Variants in WDFY4 observed in about 807,000 individuals in gnomAD.
WDFY4 encodes the protein WD repeat- and FYVE domain-containing protein 4.
WDFY4 carries 169 observed loss-of-function variants against 351.9 expected under a neutral mutation model. The ratio of observed to expected loss-of-function variants is 0.48; its 90% CI spans 0.42 to 0.55. The LOEUF (loss-of-function observed/expected upper bound fraction) is 0.55. WDFY4 is among the 20% of genes least tolerant of loss of function. WDFY4 has a pLI of 0.00. For synonymous variants in WDFY4, 1,622 were observed against 1,574.6 expected (o/e 1.03, Z -0.71); for missense variants, 3,803 against 3,935.6 (o/e 0.97, Z 0.90).
chr10:48,824,116 ACTTCTCCCTCTAAGTTTCT>A, intron 35 of WDFY4: 1 of 985,418 alleles, frequency 1.0e-6, no homozygotes, highest in Non-Finnish European at 1.2e-6. Context: ...AGGGTCTTCT[ACTTCTCCCTCTAAGTTTCT>A]TTTGAATTAA....
At chr10:48,798,861 C>A (rs1486562510) in intron 24 of WDFY4, among the ~76,000 whole-genome samples, 2 of 152,124 alleles carry the variant, frequency 1.3e-5, no homozygotes, top group Non-Finnish European at 2.9e-5. Flanking sequence ...TTGAACCAGG[C>A]CAAGATGAAT....
intron 23 of WDFY4, among the ~76,000 whole-genome samples, chr10:48,791,208 A>G (rs565903066): frequency 6.6e-6 from 1 of 152,356 alleles, no homozygotes; most frequent in South Asian, 2.1e-4. Flanking sequence ...CCTTGTCTCT[A>G]GCATGGTGGC....
At chr10:48,860,916 G>A (rs2069317063) in intron 39 of WDFY4, among the ~76,000 whole-genome samples, 2 of 151,762 alleles carry the variant, frequency 1.3e-5, no homozygotes, top group African/African-American at 2.4e-5. Flanking sequence ...TTAATTTTTT[G>A]GATTTTTTTT....
In WDFY4 at chr10:48,851,473, G is replaced by A. The variant is rs111857672; in HGVS notation, c.6664-15792G>A. Among the ~76,000 whole-genome samples the A allele has an allele frequency of 7.6e-4, 116 of 152,328 alleles. 1 individual carries two copies. Among genetic ancestry groups the A allele is most frequent in the African/African-American group, 2.6e-3 (110 of 41,568 alleles). On this transcript the variant is annotated intron_variant, in intron 39 of 61. Transcript: ENST00000325239. ...CACATGTCCGTTCATGGCCAATACA[G>A]TGCAGGTGAGGACTCGGCGTCCCTC...
chr10:48,938,105 C>T (rs931211876), intron 47 of WDFY4, among the ~76,000 whole-genome samples: 1 of 152,224 alleles, frequency 6.6e-6, no homozygotes, highest in South Asian at 2.1e-4. Context: ...TTGTGGCTTG[C>T]GTATGCCTAG....
chr10:48,760,500 T>C (rs2065469814), intron 13 of WDFY4, 60 bp downstream of exon 13: 1 of 1,512,394 alleles, frequency 6.6e-7, no homozygotes, highest in African/African-American at 1.4e-5. Flanking sequence ...CTCAAATGCC[T>C]TCTGACCCAA....
At chr10:48,852,037 AGCAAT>A (rs2068973955) in intron 39 of WDFY4, among the ~76,000 whole-genome samples, 1 of 152,238 alleles carries the variant, frequency 6.6e-6, no homozygotes, top group South Asian at 2.1e-4. Flanking sequence ...AGTTCCAATA[AGCAAT>A]GCAGCACTCA....
chr10:48,937,503 T>A (rs1264841902), intron 47 of WDFY4, among the ~76,000 whole-genome samples: 1 of 152,130 alleles, frequency 6.6e-6, no homozygotes, highest in Non-Finnish European at 1.5e-5. Context: ...GAATTTCACC[T>A]CCCTGGCCTG....
At chr10:48,977,666 C>T (rs917718459) in intron 59 of WDFY4, among the ~76,000 whole-genome samples, 1 of 152,256 alleles carries the variant, frequency 6.6e-6, no homozygotes, top group African/African-American at 2.4e-5. Flanking sequence ...TATTACTCTC[C>T]TGGGCCCCCC....
chr10:48,973,858 C>A (rs1391872640), intron 57 of WDFY4, among the ~76,000 whole-genome samples: 1 of 152,200 alleles, frequency 6.6e-6, no homozygotes, highest in African/African-American at 2.4e-5. Flanking sequence ...ACCTGAGGAC[C>A]AAGACCAAGG....
At chr10:48,945,982 G>T (rs1487625436) in intron 49 of WDFY4, 58 bp from the exon 50 acceptor site, 4 of 1,168,058 alleles carry the variant, frequency 3.4e-6, no homozygotes, top group Admixed American at 6.5e-5. Context: ...CAAGAGCGTG[G>T]CTCCTAGGGC....
At position 48,873,672 on chromosome 10, in the gene WDFY4, A is replaced by T. The variant is rs2069874117; in HGVS notation, c.6923A>T (p.Glu2308Val). 2 of 1,551,816 alleles carry T rather than the reference A, an allele frequency of 1.3e-6. No individual in the cohort carries two copies. Among genetic ancestry groups the T allele is most frequent in the Non-Finnish European group, 1.7e-6 (2 of 1,147,022 alleles). The change falls in exon 41 of 62, where the codon GAG (glutamate) becomes GTG (valine). Residue 2308 changes from glutamate (E) to valine (V), a missense_variant. Around this residue, in one of 3 missense-constraint regions of WDFY4, gnomAD observed 3,054 missense variants for 3,148.6 expected, o/e 0.97. Coordinates refer to ENST00000325239, the MANE Select transcript of WDFY4 (RefSeq NM_001394531.1). ...RKRIKRLSPL[E>V]ALSSGRHKES... ...CGCATCAAACGCTTGTCTCCTTTGG[A>T]GGCCCTGAGCTCAGGAAGGCACAAG...
intron 57 of WDFY4, among the ~76,000 whole-genome samples, chr10:48,970,616 G>A (rs1473706323): frequency 6.6e-6 from 1 of 152,210 alleles, no homozygotes; most frequent in African/African-American, 2.4e-5. Context: ...GACAGGTCTG[G>A]TGAAATCAGT....
chr10:48,719,980 A>G, intron 2 of WDFY4, 31 bp from the exon 3 acceptor site: 3 of 1,544,952 alleles, frequency 1.9e-6, no homozygotes, highest in South Asian at 2.4e-5. Flanking sequence ...TGGCATTGCT[A>G]TCTCTGACCA....
At chr10:48,746,964 T>C (rs148900656) in intron 12 of WDFY4, among the ~76,000 whole-genome samples, 4 of 152,352 alleles carry the variant, frequency 2.6e-5, no homozygotes, top group Admixed American at 6.5e-5. Flanking sequence ...TCAATGTCTG[T>C]GCTCACCATT....
intron 39 of WDFY4, among the ~76,000 whole-genome samples, chr10:48,862,176 G>A (rs938888089): frequency 1.3e-5 from 2 of 152,156 alleles, no homozygotes; most frequent in Non-Finnish European, 2.9e-5. Context: ...TGCATCTGTT[G>A]ATTGTCTTCC....
Position 48,982,609 on chromosome 10 carries a change from G to A in WDFY4, c.*34G>A. 3.9e-6 allele frequency: 6 copies of A among 1,546,200 alleles called. No homozygotes were observed. Among genetic ancestry groups the A allele is most frequent in the Middle Eastern group, 1.7e-4 (1 of 5,980 alleles). On this transcript the variant is annotated 3_prime_UTR_variant, in exon 62 of 62. Coordinates refer to ENST00000325239, the MANE Select transcript of WDFY4 (RefSeq NM_001394531.1). The stretch of plus-strand genomic sequence containing the variant: ...AGGCAGCAGAGGCTCTGGCACAACA[G>A]TGCCAGGCTGAGGGTGGCAGAGGTG...
intron 46 of WDFY4, 147 bp from the exon 47 acceptor site, chr10:48,901,654 A>G: frequency 1.3e-6 from 1 of 765,776 alleles, no homozygotes; most frequent in South Asian, 1.7e-5. Flanking sequence ...AGGTACACCC[A>G]GGCCTGGTGT....
intron 9 of WDFY4, among the ~76,000 whole-genome samples, chr10:48,733,086 G>A (rs887737913): frequency 6.6e-6 from 1 of 152,212 alleles, no homozygotes; most frequent in Non-Finnish European, 1.5e-5. Context: ...CCGTCTCTTT[G>A]TTTGGTGGTT....
Sources: gnomAD v4.1 joint callset for allele counts (sites outside exome capture counted in the v4.1 genomes callset) on GRCh38, gnomAD v4.1.1 for gene constraint, gnomAD v4.1.1 regional missense constraint, MANE v1.5 for transcripts, NCBI Gene and HGNC (gene_info 2026-07-23, HGNC 2026-07-21) for gene names.